NELL1: variants seen among roughly 807,000 people sequenced by gnomAD.
NELL1 encodes the protein neural EGFL like 1.
NELL1 carries 76 observed loss-of-function variants against 107.4 expected under a neutral mutation model. The observed-to-expected ratio is 0.71, with a 90% CI of 0.59 to 0.86. NELL1 has a LOEUF of 0.86. Ranked by LOEUF, NELL1 falls within the 40% of genes least tolerant of loss-of-function variation. The pLI is 0.00. For missense variants in NELL1, 1,024 were observed against 1,005.5 expected (o/e 1.02, Z -0.25); for synonymous variants, 353 against 341.2 (o/e 1.03, Z -0.38).
At chr11:20,791,728 AG>A (rs34554250) in intron 3 of NELL1, among the ~76,000 whole-genome samples, 80,705 of 131,120 alleles carry the variant, frequency 0.62, 26,143 homozygotes, top group East Asian at 0.86. Context: ...ACCAGTCTGG[AG>A]GTTTTTTTTT....
intron 2 of NELL1, among the ~76,000 whole-genome samples, chr11:20,739,371 AC>A (rs1448722811): frequency 6.6e-6 from 1 of 151,262 alleles, no homozygotes; most frequent in Non-Finnish European, 1.5e-5. Flanking sequence ...CAGGATGCAC[AC>A]CACGTTGTCA....
chr11:21,372,982 A>G (rs1360838728), intron 15 of NELL1, among the ~76,000 whole-genome samples: 3 of 152,048 alleles, frequency 2.0e-5, no homozygotes, highest in Non-Finnish European at 4.4e-5. Context: ...GACCAGGGAA[A>G]AAGTTAGACA....
At chr11:21,322,603 C>T (rs1850037941) in intron 14 of NELL1, among the ~76,000 whole-genome samples, 1 of 152,080 alleles carries the variant, frequency 6.6e-6, no homozygotes, top group South Asian at 2.1e-4. Context: ...GTATTCCATT[C>T]TAGTCTGGTC....
intron 3 of NELL1, among the ~76,000 whole-genome samples, chr11:20,795,140 T>TA (rs1857145775): frequency 6.6e-6 from 1 of 152,202 alleles, no homozygotes. Flanking sequence ...GGGAACCCAG[T>TA]AGCCAGAGTT....
chr11:21,183,779 G>A (rs1856876766), intron 13 of NELL1, among the ~76,000 whole-genome samples: 1 of 151,810 alleles, frequency 6.6e-6, no homozygotes, highest in African/African-American at 2.4e-5. Context: ...TTTTAATAAT[G>A]TGATTGGAAT....
At chr11:21,355,616 G>A (rs1394271376) in intron 14 of NELL1, among the ~76,000 whole-genome samples, 1 of 152,134 alleles carries the variant, frequency 6.6e-6, no homozygotes, top group African/African-American at 2.4e-5. Flanking sequence ...GAAGTACTCA[G>A]GTACTTGAGT....
chr11:21,124,930 T>C (rs950454745), intron 13 of NELL1, among the ~76,000 whole-genome samples: 1 of 152,096 alleles, frequency 6.6e-6, no homozygotes, highest in African/African-American at 2.4e-5. Flanking sequence ...TGTGCTCACA[T>C]GATGAAAGGG....
chr11:21,024,054 A>G (rs547054584), intron 12 of NELL1, among the ~76,000 whole-genome samples: 302 of 152,204 alleles, frequency 2.0e-3, no homozygotes, highest in Non-Finnish European at 3.6e-3. Context: ...CAAAAAAGAT[A>G]GCGATTTACT....
At chr11:21,422,121 GTGTA>G (rs1852692678) in intron 15 of NELL1, among the ~76,000 whole-genome samples, 1 of 139,990 alleles carries the variant, frequency 7.1e-6, no homozygotes, top group Non-Finnish European at 1.6e-5. Context: ...GTGTGTGTGT[GTGTA>G]CACACGCACG....
At chr11:21,468,197 G>T (rs1022077097) in intron 15 of NELL1, among the ~76,000 whole-genome samples, 5 of 151,898 alleles carry the variant, frequency 3.3e-5, no homozygotes, top group Non-Finnish European at 7.4e-5. Flanking sequence ...TCAATGGTCT[G>T]GCCATGTTGA....
chr11:20,903,400 G>A (rs186351578), intron 5 of NELL1, among the ~76,000 whole-genome samples: 4 of 152,074 alleles, frequency 2.6e-5, no homozygotes. Context: ...CATATTAGAA[G>A]ACTTTAAAAA....
At chr11:20,741,814 T>C (rs1855897188) in intron 2 of NELL1, among the ~76,000 whole-genome samples, 1 of 152,232 alleles carries the variant, frequency 6.6e-6, no homozygotes, top group South Asian at 2.1e-4. Context: ...GGGGAACTGA[T>C]GAATACGTAA....
At chr11:21,331,937 C>T (rs1443925689) in intron 14 of NELL1, among the ~76,000 whole-genome samples, 2 of 151,972 alleles carry the variant, frequency 1.3e-5, no homozygotes, top group African/African-American at 4.8e-5. Context: ...TTTTGAGGAG[C>T]TCTTTGGCGC....
intron 13 of NELL1, among the ~76,000 whole-genome samples, chr11:21,159,640 TCA>T (rs1856318061): frequency 6.6e-6 from 1 of 152,222 alleles, no homozygotes. Flanking sequence ...TGTGCTGAAG[TCA>T]CATATCCATG....
Position 21,189,960 on chromosome 11 carries a change from T to C in NELL1, c.1427-39372T>C, listed in dbSNP as rs186659544. On this transcript the variant is annotated intron_variant, in intron 13 of 19. Transcript: ENST00000357134. Reference sequence around the variant, plus strand: ...TGGATTGTGGAAAGACATTCAGTCATTGGATGAACAAGACAACAAACAGGT... The same window carrying C: ...TGGATTGTGGAAAGACATTCAGTCACTGGATGAACAAGACAACAAACAGGT... 1.4e-4 allele frequency among the ~76,000 whole-genome samples: 22 copies of C among 151,992 alleles called. No homozygotes were observed. The East Asian group carries it at 4.0e-3, about 28-fold the overall frequency.
At chr11:21,238,468 A>G (rs866587814) in intron 14 of NELL1, among the ~76,000 whole-genome samples, 2 of 152,196 alleles carry the variant, frequency 1.3e-5, no homozygotes, top group East Asian at 3.9e-4. Flanking sequence ...GTTAGGACTG[A>G]TGCTGAAATC....
At chr11:21,452,435 G>A (rs1049646590) in intron 15 of NELL1, among the ~76,000 whole-genome samples, 3 of 152,032 alleles carry the variant, frequency 2.0e-5, no homozygotes, top group African/African-American at 7.2e-5. Flanking sequence ...TTCTTTCAAG[G>A]AGTTTGTTCA....
chr11:21,028,566 C>T (rs1852877468), intron 12 of NELL1, among the ~76,000 whole-genome samples: 2 of 152,196 alleles, frequency 1.3e-5, no homozygotes, highest in South Asian at 4.1e-4. Flanking sequence ...TCTACTACAA[C>T]TGTCCCAGTC....
intron 2 of NELL1, among the ~76,000 whole-genome samples, chr11:20,706,851 G>A (rs1854974860): frequency 6.6e-6 from 1 of 152,076 alleles, no homozygotes; most frequent in Non-Finnish European, 1.5e-5. Flanking sequence ...TGACAATTAT[G>A]TGTCTTGGAG....
Sources: gnomAD v4.1 joint callset for allele counts (sites outside exome capture counted in the v4.1 genomes callset) on GRCh38, gnomAD v4.1.1 for gene constraint, MANE v1.5 for transcripts, NCBI Gene and HGNC (gene_info 2026-07-23, HGNC 2026-07-21) for gene names.